The following HMGCLL1 variants were observed in gnomAD, a reference collection of about 807,000 sequenced individuals.
HMGCLL1 encodes the protein 3-hydroxymethyl-3-methylglutaryl-CoA lyase, cytoplasmic.
HMGCLL1 carries 36 observed loss-of-function variants against 39.1 expected under a neutral mutation model. The ratio of observed to expected loss-of-function variants is 0.92; its 90% CI spans 0.71 to 1.22. HMGCLL1 has a LOEUF of 1.22. HMGCLL1 is among the 50% of genes most tolerant of loss of function. The pLI, the probability that HMGCLL1 is intolerant of heterozygous loss-of-function variation, is 0.00. For synonymous variants in HMGCLL1, 149 were observed against 144.0 expected (o/e 1.03, Z -0.25); for missense variants, 451 against 416.5 (o/e 1.08, Z -0.72).
intron 1 of HMGCLL1, among the ~76,000 whole-genome samples, chr6:55,543,914 T>A (rs1769798114): frequency 6.6e-6 from 1 of 151,932 alleles, no homozygotes; most frequent in Admixed American, 6.6e-5. Context: ...TATTTCTACT[T>A]CCATGAAGAG....
At chr6:55,533,502 G>C (rs1283310735) in intron 3 of HMGCLL1, among the ~76,000 whole-genome samples, 1 of 152,086 alleles carries the variant, frequency 6.6e-6, no homozygotes, top group African/African-American at 2.4e-5. Flanking sequence ...GATCCTCCTA[G>C]TGTGTATTAT....
At chr6:55,637,519 CT>C in the HMGCLL1 span, among the ~76,000 whole-genome samples, 1 of 152,126 alleles carries the variant, frequency 6.6e-6, no homozygotes, top group South Asian at 2.1e-4. Context: ...TCCCTTTTGA[CT>C]TGGCTTGATT....
At position 55,542,133 on chromosome 6, in the gene HMGCLL1, G is replaced by A. The variant is rs557736389; in HGVS notation, c.116C>T (p.Ser39Phe). 1.6e-5 allele frequency: 25 copies of A among 1,602,582 alleles called. No individual in the cohort carries two copies. Among genetic ancestry groups the A allele is most frequent in the Non-Finnish European group, 2.1e-5 (25 of 1,172,074 alleles). The change falls in exon 2 of 9, where the codon TCC becomes TTC. Residue 39 changes from serine to phenylalanine, a missense_variant. Ser to Phe is a radical substitution (Grantham distance 155). Coordinates refer to ENST00000274901, the MANE Select transcript of HMGCLL1 (RefSeq NM_001042406.2). ...AGALDPAQETSQLSGLPEFVK... is the reference protein window; with the variant it reads ...AGALDPAQETFQLSGLPEFVK... ...AAACTCAGGGAGTCCAGATAACTGGGATGTTTCCTGAAATGCAAAATGTAA... is the reference window on the plus strand; with the variant it reads ...AAACTCAGGGAGTCCAGATAACTGGAATGTTTCCTGAAATGCAAAATGTAA...
At chr6:55,487,137 G>C (rs565054275) in intron 7 of HMGCLL1, among the ~76,000 whole-genome samples, 10 of 151,946 alleles carry the variant, frequency 6.6e-5, no homozygotes, top group African/African-American at 1.9e-4. Context: ...TTTTCACCAG[G>C]AGCAACACTA....
chr6:55,542,130 TG>T lies in HMGCLL1; in HGVS notation c.118del (p.Gln40SerfsTer11), dbSNP rs1446784646. The T allele has an allele frequency of 6.2e-7, 1 of 1,605,806 alleles. No homozygotes were observed. Among genetic ancestry groups the T allele is most frequent in the East Asian group, 2.2e-5 (1 of 44,618 alleles). ...GALDPAQETS[Q>X]LSGLPEFVKI... ...AACAAACTCAGGGAGTCCAGATAAC[TG>T]GGATGTTTCCTGAAATGCAAAATGT... On this transcript the variant is annotated frameshift_variant, in exon 2 of 9. Coordinates refer to ENST00000274901, the MANE Select transcript of HMGCLL1 (RefSeq NM_001042406.2). LOFTEE classifies it high-confidence loss of function.
intron 7 of HMGCLL1, among the ~76,000 whole-genome samples, chr6:55,451,413 A>C (rs948849886): frequency 6.6e-6 from 1 of 152,138 alleles, no homozygotes; most frequent in Non-Finnish European, 1.5e-5. Flanking sequence ...ACCTGAGGTC[A>C]GGAGTTCAAG....
Position 55,477,438 on chromosome 6 carries a change from TTA to T in HMGCLL1, c.795+17979_795+17980del, listed in dbSNP as rs1341609336. On this transcript the variant is annotated intron_variant, in intron 7 of 8. Coordinates refer to ENST00000274901, the MANE Select transcript of HMGCLL1 (RefSeq NM_001042406.2). ...ATATTATCTTAATATATATTATATATTATATATATAATATATTACATATAATA... is the reference window on the plus strand; with the variant it reads ...ATATTATCTTAATATATATTATATATTATATATAATATATTACATATAATA... Among the ~76,000 whole-genome samples the T allele has an allele frequency of 5.7e-4, 28 of 48,828 alleles. 2 individuals carry two copies. Among genetic ancestry groups the T allele is most frequent in the Non-Finnish European group, 6.9e-4 (19 of 27,368 alleles). The allele number at this position is 48,828 out of a possible 152,430, so 32.0% of individuals were successfully genotyped here. A position where few individuals can be genotyped will look rare whatever the true frequency, so the allele number is the denominator to read the frequency against.
the HMGCLL1 span, among the ~76,000 whole-genome samples, chr6:55,671,877 TATA>T: frequency 6.6e-6 from 1 of 151,784 alleles, no homozygotes; most frequent in Non-Finnish European, 1.5e-5. Flanking sequence ...TATTACACAA[TATA>T]ATTTTTAGAT....
At chr6:55,511,301 T>A (rs1157226234) in intron 5 of HMGCLL1, among the ~76,000 whole-genome samples, 1 of 152,084 alleles carries the variant, frequency 6.6e-6, no homozygotes, top group South Asian at 2.1e-4. Context: ...ACTCTGCATT[T>A]TGTCACTGAT....
At chr6:55,565,754 A>G (rs1241393095) in intron 1 of HMGCLL1, among the ~76,000 whole-genome samples, 1 of 152,102 alleles carries the variant, frequency 6.6e-6, no homozygotes, top group African/African-American at 2.4e-5. Context: ...TAGCAGAATT[A>G]AATTAAATAT....
chr6:55,640,303 G>A, the HMGCLL1 span, among the ~76,000 whole-genome samples: 2 of 152,016 alleles, frequency 1.3e-5, no homozygotes, highest in African/African-American at 4.8e-5. Flanking sequence ...AGGATAACAA[G>A]TAAATGAATT....
intron 3 of HMGCLL1, among the ~76,000 whole-genome samples, chr6:55,530,897 A>T (rs1451312811): frequency 6.6e-6 from 1 of 152,164 alleles, no homozygotes; most frequent in African/African-American, 2.4e-5. Flanking sequence ...TATGAACATC[A>T]GCCAAAACGT....
chr6:55,478,750 G>T (rs1459400213), intron 7 of HMGCLL1, among the ~76,000 whole-genome samples: 1 of 151,256 alleles, frequency 6.6e-6, no homozygotes, highest in East Asian at 1.9e-4. Flanking sequence ...TGGAGTCAAA[G>T]TTTGCATTTG....
chr6:55,675,132 G>C, the HMGCLL1 span, among the ~76,000 whole-genome samples: 4 of 152,202 alleles, frequency 2.6e-5, no homozygotes, highest in Admixed American at 2.0e-4. Context: ...TAAATCAAAA[G>C]TTCCATGTAA....
At chr6:55,563,112 T>C (rs1219324763) in intron 1 of HMGCLL1, among the ~76,000 whole-genome samples, 1 of 152,084 alleles carries the variant, frequency 6.6e-6, no homozygotes, top group African/African-American at 2.4e-5. Context: ...CGGTGATATA[T>C]AAAAACATAT....
At chr6:55,564,466 G>A (rs1771115148) in intron 1 of HMGCLL1, among the ~76,000 whole-genome samples, 1 of 151,942 alleles carries the variant, frequency 6.6e-6, no homozygotes, top group African/African-American at 2.4e-5. Flanking sequence ...ATGTATACAT[G>A]TGCCATGTTG....
the HMGCLL1 span, among the ~76,000 whole-genome samples, chr6:55,641,878 TTTTATTTATTTATTTA>T: frequency 9.2e-4 from 120 of 129,782 alleles, 3 homozygotes; most frequent in East Asian, 0.022. Context: ...TTTTTTTTAT[TTTTATTTATTTATTTA>T]TTTATTTATT....
intron 8 of HMGCLL1, among the ~76,000 whole-genome samples, chr6:55,436,668 T>C (rs544994136): frequency 6.6e-6 from 1 of 152,158 alleles, no homozygotes; most frequent in Admixed American, 6.6e-5. Flanking sequence ...TATAAAGTAC[T>C]TTTTAATATC....
the HMGCLL1 span, among the ~76,000 whole-genome samples, chr6:55,592,729 G>A: frequency 6.6e-6 from 1 of 152,082 alleles, no homozygotes; most frequent in Non-Finnish European, 1.5e-5. Context: ...ACTAACGTCT[G>A]CTGAGCATTT....
Sources: gnomAD v4.1 joint callset for allele counts (sites outside exome capture counted in the v4.1 genomes callset) on GRCh38, gnomAD v4.1.1 for gene constraint, MANE v1.5 for transcripts, NCBI Gene and HGNC (gene_info 2026-07-23, HGNC 2026-07-21) for gene names.